Variants in CREBBP observed in about 807,000 individuals in gnomAD.
CREBBP encodes the protein CREB binding lysine acetyltransferase.
In CREBBP, 19 loss-of-function variants were observed where a neutral mutation model predicts 265.0. The ratio of observed to expected loss-of-function variants is 0.07; its 90% CI spans 0.05 to 0.11. The LOEUF is 0.11. Among genes scored for constraint, CREBBP ranks in the 10% least tolerant of loss-of-function variants. The pLI is 1.00. For missense variants in CREBBP, 2,525 were observed against 3,219.0 expected (o/e 0.78, Z 5.22); for synonymous variants, 1,457 against 1,223.7 (o/e 1.19, Z -3.98).
rs1555482779 is a variant in CREBBP at position 3,773,900 on chromosome 16, G to C, written c.2314C>G (p.Pro772Ala). The change falls in exon 13 of 31, where the codon CCT becomes GCT. Residue 772 changes from proline (P) to alanine (A), a missense_variant. This residue lies in a region of CREBBP where 548 missense variants were observed against 533.0 expected (regional missense o/e 1.03). Coordinates refer to ENST00000262367, the MANE Select transcript of CREBBP (RefSeq NM_004380.3). Reference protein sequence around the residue: ...MAISPSRMPQPPNMMGAHTNN... With the variant: ...MAISPSRMPQAPNMMGAHTNN... ...GTGTGTGCACCCATCATGTTCGGAGGCTGAGGCATTCGGGAAGGAGAAATG... is the reference window on the plus strand; with the variant it reads ...GTGTGTGCACCCATCATGTTCGGAGCCTGAGGCATTCGGGAAGGAGAAATG... 6.2e-7 allele frequency: 1 copy of C among 1,612,244 alleles called. No individual in the cohort carries two copies. Among genetic ancestry groups the C allele is most frequent in the Non-Finnish European group, 8.5e-7 (1 of 1,180,020 alleles).
intron 2 of CREBBP, among the ~76,000 whole-genome samples, chr16:3,821,994 G>A (rs983263711): frequency 2.0e-5 from 3 of 152,208 alleles, no homozygotes; most frequent in African/African-American, 4.8e-5. Context: ...GTAGGAGGTT[G>A]CAGTGAGCCA....
At chr16:3,732,782 C>T (rs533830881) in intron 28 of CREBBP, among the ~76,000 whole-genome samples, 3 of 151,798 alleles carry the variant, frequency 2.0e-5, no homozygotes, top group Non-Finnish European at 4.4e-5. Context: ...CTCACTGCAA[C>T]CTCTGCCTCC....
At chr16:3,864,439 G>A (rs1202903162) in intron 1 of CREBBP, among the ~76,000 whole-genome samples, 1 of 152,138 alleles carries the variant, frequency 6.6e-6, no homozygotes, top group Non-Finnish European at 1.5e-5. Flanking sequence ...GGGTCCAGTA[G>A]TTCAAGACCA....
rs1402881449 is a variant in CREBBP at position 3,865,004 on chromosome 16, A to G, written c.86-13995T>C. Reference sequence around the variant, plus strand: ...AATCTGAGAGGTGGAGGCTGCAGTGAGCCAAGATCGTGCCAATGCACTCCA... The same window carrying G: ...AATCTGAGAGGTGGAGGCTGCAGTGGGCCAAGATCGTGCCAATGCACTCCA... On this transcript the variant is annotated intron_variant, in intron 1 of 30. Transcript: ENST00000262367. 2.0e-5 allele frequency among the ~76,000 whole-genome samples: 3 copies of G among 152,208 alleles called. No individual in the cohort carries two copies. In the East Asian group the frequency reaches 5.8e-4, roughly 29 times the overall value.
Position 3,767,922 on chromosome 16 carries a change from A to G in CREBBP, c.3061-13T>C. ...CCTCCTCCATCATCTTGAGAAAAAC[A>G]TTACAGATAACATATGAATATCAAA... On this transcript the variant is annotated splice_polypyrimidine_tract_variant and intron_variant, in intron 15 of 30. Coordinates refer to ENST00000262367, the MANE Select transcript of CREBBP (RefSeq NM_004380.3). The G allele has an allele frequency of 2.5e-6, 4 of 1,613,368 alleles. No homozygotes were observed. The highest frequency in any genetic ancestry group is 1.1e-5 in the South Asian group (1 of 91,074).
chr16:3,806,991 A>AT (rs1567328548), intron 3 of CREBBP, among the ~76,000 whole-genome samples: 1 of 152,092 alleles, frequency 6.6e-6, no homozygotes, highest in African/African-American at 2.4e-5. Flanking sequence ...GGTCCCTATG[A>AT]CAATCTGAAC....
chr16:3,792,705 C>T (rs1019272346), intron 4 of CREBBP, among the ~76,000 whole-genome samples: 23 of 152,296 alleles, frequency 1.5e-4, no homozygotes, highest in African/African-American at 4.6e-4. Context: ...GGGAGATTCC[C>T]CTAAGTTTAT....
chr16:3,861,413 G>A (rs2055071044), intron 1 of CREBBP, among the ~76,000 whole-genome samples: 1 of 152,160 alleles, frequency 6.6e-6, no homozygotes, highest in Admixed American at 6.6e-5. Context: ...TACTATCACT[G>A]TCCCAATCCC....
intron 1 of CREBBP, among the ~76,000 whole-genome samples, chr16:3,856,383 A>G (rs533338700): frequency 6.3e-4 from 96 of 152,326 alleles, no homozygotes; most frequent in African/African-American, 2.2e-3. Flanking sequence ...GTGAAGTTGC[A>G]GGCTCAATGC....
At chr16:3,745,090 C>A (rs905017876) in intron 22 of CREBBP, 129 bp from the exon 23 acceptor site, 19 of 902,194 alleles carry the variant, frequency 2.1e-5, no homozygotes, top group African/African-American at 1.3e-4. Flanking sequence ...AGTGAAGAGG[C>A]AGACTGCTTT....
chr16:3,828,246 C>T (rs888606104), intron 2 of CREBBP, among the ~76,000 whole-genome samples: 28 of 152,158 alleles, frequency 1.8e-4, no homozygotes, highest in African/African-American at 6.8e-4. Flanking sequence ...GCATGTGCCA[C>T]CATGCCCAGC....
At chr16:3,760,964 T>A (rs1163638042) in intron 16 of CREBBP, among the ~76,000 whole-genome samples, 2 of 151,478 alleles carry the variant, frequency 1.3e-5, no homozygotes, top group Admixed American at 6.6e-5. Flanking sequence ...AAAAGATTTG[T>A]TTTTTTTGAG....
At chr16:3,829,395 A>G (rs2141407847) in intron 2 of CREBBP, among the ~76,000 whole-genome samples, 1 of 152,324 alleles carries the variant, frequency 6.6e-6, no homozygotes, top group South Asian at 2.1e-4. Flanking sequence ...AATGGAGAGT[A>G]TCTCCCAGTG....
chr16:3,810,835 G>A (rs1567331571), intron 2 of CREBBP, 56 bp from the exon 3 acceptor site: 4 of 1,570,844 alleles, frequency 2.5e-6, no homozygotes, highest in Non-Finnish European at 3.5e-6. Flanking sequence ...ATAAAAGGAA[G>A]GGCCTGGGAA....
In CREBBP at chr16:3,809,713, T is replaced by C. The variant is rs182047076; in HGVS notation, c.975+890A>G. On this transcript the variant is annotated intron_variant, in intron 3 of 30. Coordinates refer to ENST00000262367, the MANE Select transcript of CREBBP (RefSeq NM_004380.3). ...GAAGCTGGATGAGGTGAAAGATATA[T>C]AGGAATTCTCTGTGCTATCTTTACA... Among the ~76,000 whole-genome samples, 44 of 152,308 alleles carry C rather than the reference T, an allele frequency of 2.9e-4. 1 individual carries two copies. Among genetic ancestry groups the C allele is most frequent in the African/African-American group, 4.8e-5 (2 of 41,566 alleles).
intron 1 of CREBBP, among the ~76,000 whole-genome samples, chr16:3,861,869 A>C (rs774986989): frequency 2.0e-5 from 3 of 152,108 alleles, no homozygotes; most frequent in Non-Finnish European, 2.9e-5. Context: ...CCTAATTAGA[A>C]CAGAACAATG....
At chr16:3,871,520 A>C (rs1459659072) in intron 1 of CREBBP, among the ~76,000 whole-genome samples, 1 of 152,224 alleles carries the variant, frequency 6.6e-6, no homozygotes, top group Non-Finnish European at 1.5e-5. Flanking sequence ...TTACCTGATA[A>C]ATTTCTATAG....
intron 26 of CREBBP, among the ~76,000 whole-genome samples, chr16:3,738,193 T>C: frequency 6.6e-6 from 1 of 151,796 alleles, no homozygotes; most frequent in East Asian, 1.9e-4. Context: ...TATAGGTCAA[T>C]AACAATGTTC....
intron 18 of CREBBP, 52 bp downstream of exon 18, chr16:3,757,757 C>T: frequency 6.2e-7 from 1 of 1,608,728 alleles, no homozygotes; most frequent in Admixed American, 1.7e-5. Context: ...TAACACCCCT[C>T]TGGCTGGATT....
Sources: allele counts gnomAD v4.1 joint callset (sites outside exome capture counted in the v4.1 genomes callset), GRCh38; gene constraint gnomAD v4.1.1; regional missense constraint gnomAD v4.1.1; transcripts MANE v1.5; gene names NCBI Gene and HGNC (gene_info 2026-07-23, HGNC 2026-07-21).